The following E2F8 variants were observed in gnomAD, a reference collection of about 807,000 sequenced individuals.
E2F8 encodes the protein E2F transcription factor 8, also known as transcription factor E2F8.
E2F8 carries 35 observed loss-of-function variants against 80.8 expected under a neutral mutation model. That is an observed-to-expected ratio of 0.43 (90% CI 0.33 to 0.57). E2F8 has a LOEUF of 0.57. Among genes scored for constraint, E2F8 ranks in the 20% least tolerant of loss-of-function variants. The pLI is 0.04. For missense variants in E2F8, 975 were observed against 1,056.2 expected, an observed-to-expected ratio of 0.92 and a Z score of 1.07; for synonymous variants, 386 against 395.0, an observed-to-expected ratio of 0.98 and a Z score of 0.27.
At chr11:19,237,245 T>G (rs1590130846) in intron 4 of E2F8, 69 bp downstream of exon 4, 1 of 1,449,550 alleles carries the variant, frequency 6.9e-7, no homozygotes, top group Non-Finnish European at 9.6e-7. Flanking sequence ...TGAGCGGGGG[T>G]CTGAAGGAGT....
At position 19,225,462 on chromosome 11, in the gene E2F8, T is replaced by A. The variant is rs1851209377; in HGVS notation, c.2180A>T (p.Gln727Leu). Residue 727 changes from glutamine to leucine, a missense_variant, in exon 12 of 13, where the codon CAG becomes CTG. Transcript: ENST00000250024. The part of the protein sequence containing the change: ...ALASSHPVPI[Q>L]NPSSAIVNFT... Reference sequence around the variant, plus strand: ...GTTTACAATGGCTGAGCTTGGGTTCTGGATGGGAACAGGGTGGCTTGAAGC... The same window carrying A: ...GTTTACAATGGCTGAGCTTGGGTTCAGGATGGGAACAGGGTGGCTTGAAGC... 1 of 1,614,104 alleles carries A rather than the reference T, an allele frequency of 6.2e-7. No individual in the cohort carries two copies. Among genetic ancestry groups the A allele is most frequent in the African/African-American group, 1.3e-5 (1 of 74,934 alleles).
upstream of E2F8, among the ~76,000 whole-genome samples, chr11:19,241,107 G>A (rs796414741): frequency 3.9e-5 from 6 of 152,384 alleles, 1 homozygote; most frequent in East Asian, 7.7e-4. This position sits in a 1 kb window ranked among gnomAD's most constrained non-coding sequence, Gnocchi z 4.5. Flanking sequence ...GGCGCCAGGG[G>A]CGGGGCCGGA....
chr11:19,235,224 C>T (rs1054782729), intron 4 of E2F8, among the ~76,000 whole-genome samples, 166 bp from the exon 5 acceptor site: 6 of 152,198 alleles, frequency 3.9e-5, no homozygotes, highest in African/African-American at 1.4e-4. Flanking sequence ...AAGACATGTG[C>T]TTGCTTTCCA....
In E2F8 at chr11:19,229,421, C is replaced by T. The variant is rs777446874; in HGVS notation, c.1893+33G>A. 7.7e-6 allele frequency: 12 copies of T among 1,567,424 alleles called. No homozygotes were observed. The highest frequency in any genetic ancestry group is 9.5e-6 in the Non-Finnish European group (11 of 1,159,980). The stretch of plus-strand genomic sequence containing the variant: ...CTTCCTGTAATAGACTAGGGAATTC[C>T]TAAAGCTTTGTGCAGTTCAAGGCTG... On this transcript the variant is annotated intron_variant, in intron 10 of 12. Coordinates refer to ENST00000250024, the MANE Select transcript of E2F8 (RefSeq NM_024680.4). The surrounding 1 kb of genome is among the most constrained non-coding windows in gnomAD (Gnocchi z 4.3).
chr11:19,228,286 TA>T (rs1489583753), intron 10 of E2F8, among the ~76,000 whole-genome samples: 3 of 152,196 alleles, frequency 2.0e-5, no homozygotes, highest in Admixed American at 1.3e-4. Flanking sequence ...GCATATACAT[TA>T]AATACAAAAG....
At chr11:19,237,252 G>A in intron 4 of E2F8, 62 bp downstream of exon 4, 1 of 1,514,204 alleles carries the variant, frequency 6.6e-7, no homozygotes, top group Non-Finnish European at 9.1e-7. Context: ...GGGTCTGAAG[G>A]AGTTAAGTCC....
chr11:19,225,046 T>G, intron 12 of E2F8, 175 bp downstream of exon 12: 1 of 1,109,918 alleles, frequency 9.0e-7, no homozygotes, highest in Non-Finnish European at 1.3e-6. Flanking sequence ...AACCCAACAA[T>G]ATGGATGCCT....
At position 19,240,185 on chromosome 11, in the gene E2F8, C is replaced by A; in HGVS notation, c.-64G>T. The stretch of plus-strand genomic sequence containing the variant: ...AAATCTGGAGTTCCTCCCCAAATCC[C>A]GATGGTTCAAGTAGTCCAATCAATT... On this transcript the variant is annotated 5_prime_UTR_variant, in exon 2 of 13. Coordinates refer to ENST00000250024, the MANE Select transcript of E2F8 (RefSeq NM_024680.4). The A allele has an allele frequency of 1.7e-6, 2 of 1,204,160 alleles. No individual in the cohort carries two copies. Among genetic ancestry groups the A allele is most frequent in the South Asian group, 3.5e-5 (2 of 57,588 alleles). 74.6% of individuals were successfully genotyped at this position (1,204,160 alleles called of 1,614,324 possible).
At chr11:19,237,772 G>A (rs1851558247) in intron 3 of E2F8, 82 bp downstream of exon 3, 2 of 1,513,012 alleles carry the variant, frequency 1.3e-6, no homozygotes, top group Non-Finnish European at 1.8e-6. Context: ...GCTTTAAATT[G>A]CTGGCACTTC....
Position 19,225,216 on chromosome 11 carries a change from C to T in E2F8, c.2421+5G>A, listed in dbSNP as rs1484464297. ...AAAAATTAAATTAAGTAGAAAGCCTCTCACCTGTTGTGCCCCTGTCACAGC... is the reference window on the plus strand; with the variant it reads ...AAAAATTAAATTAAGTAGAAAGCCTTTCACCTGTTGTGCCCCTGTCACAGC... On this transcript the variant is annotated splice_donor_5th_base_variant and intron_variant, in intron 12 of 12. Coordinates refer to ENST00000250024, the MANE Select transcript of E2F8 (RefSeq NM_024680.4). The T allele has an allele frequency of 2.5e-6, 4 of 1,610,950 alleles. No homozygotes were observed. The South Asian group carries it at 3.3e-5, about 13-fold the overall frequency.
At chr11:19,237,737 T>C in intron 3 of E2F8, 117 bp downstream of exon 3, 1 of 1,367,310 alleles carries the variant, frequency 7.3e-7, no homozygotes, top group Non-Finnish European at 1.0e-6. Flanking sequence ...CCGAAGGAAG[T>C]TAATAACAGC....
At chr11:19,228,733 A>T (rs773235724) in intron 10 of E2F8, among the ~76,000 whole-genome samples, 1 of 152,252 alleles carries the variant, frequency 6.6e-6, no homozygotes, top group Non-Finnish European at 1.5e-5. Context: ...CGGATGATAC[A>T]GTAATGTCTC....
rs1237919313 is a variant in E2F8, at chr11:19,229,932, A to G, written c.1415T>C (p.Val472Ala). 8 of 1,613,892 alleles carry G rather than the reference A, an allele frequency of 5.0e-6. No individual in the cohort carries two copies. Among genetic ancestry groups the G allele is most frequent in the Non-Finnish European group, 5.9e-6 (7 of 1,180,004 alleles). ...QLARSGPCKP[V>A]APLDPPVNAE... Reference sequence around the variant, plus strand: ...ATTCACTGGGGGGTCCAGAGGGGCTACTGGTTTGCAGGGTCCAGATCTTGC... The same window carrying G: ...ATTCACTGGGGGGTCCAGAGGGGCTGCTGGTTTGCAGGGTCCAGATCTTGC... The change falls in exon 10 of 13, where the codon GTA (valine) becomes GCA (alanine). Residue 472 changes from valine (V) to alanine (A), a missense_variant. Transcript: ENST00000250024. The surrounding 1 kb of genome is among the most constrained non-coding windows in gnomAD (Gnocchi z 4.3).
chr11:19,239,139 T>C (rs187804091), intron 2 of E2F8, among the ~76,000 whole-genome samples: 17 of 152,354 alleles, frequency 1.1e-4, no homozygotes, highest in East Asian at 5.8e-4. Flanking sequence ...AAATGGGACA[T>C]GTTGTGACAT....
In E2F8 at chr11:19,232,185, A is replaced by C. The variant is rs566587431; in HGVS notation, c.1066+49T>G. ...CACACTGGAAATTAAAAATTAGAAA[A>C]ACACACACACAAATAATAAAGCAGA... On this transcript the variant is annotated intron_variant, in intron 7 of 12. Coordinates refer to ENST00000250024, the MANE Select transcript of E2F8 (RefSeq NM_024680.4). 281 of 1,597,808 alleles carry C rather than the reference A, an allele frequency of 1.8e-4. 7 individuals are homozygous for C. The South Asian group carries it at 2.7e-3, about 16-fold the overall frequency.
rs1851314595 is a variant in E2F8 at position 19,229,478 on chromosome 11, T to G, written c.1869A>C (p.Leu623=). ...CTGCGGAGACATTTTCAAGTCCTTT[T>G]AGGTCCTCTTTAAATTTCTTTTTGG... ...SGSKKKFKED[L]KGLENVSATL... Residue 623 remains leucine (L), a synonymous_variant, in exon 10 of 13, where the codon CTA becomes CTC. Transcript: ENST00000250024. This position sits in a 1 kb window ranked among gnomAD's most constrained non-coding sequence, Gnocchi z 4.3. 1.2e-6 allele frequency: 2 copies of G among 1,613,964 alleles called. No individual in the cohort carries two copies. The highest frequency in any genetic ancestry group is 2.2e-5 in the South Asian group (2 of 91,066).
chr11:19,238,082 C>A lies in E2F8; in HGVS notation c.66G>T (p.Leu22=). 1 of 1,614,144 alleles carries A rather than the reference C, an allele frequency of 6.2e-7. No homozygotes were observed. The highest frequency in any genetic ancestry group is 8.5e-7 in the Non-Finnish European group (1 of 1,180,024). The change falls in exon 3 of 13, where the codon CTG becomes CTT. Residue 22 remains leucine (L), a synonymous_variant. Transcript: ENST00000250024. The part of the protein sequence containing the change: ...PHKRGLMKTP[L]KESTTANIVL... The stretch of plus-strand genomic sequence containing the variant: ...CGATATTTGCTGTGGTGGATTCTTT[C>A]AGAGGTGTTTTCATTAGTCCCCTTT...
intron 7 of E2F8, 36 bp downstream of exon 7, chr11:19,232,198 A>G (rs1851400469): frequency 6.2e-7 from 1 of 1,604,532 alleles, no homozygotes; most frequent in South Asian, 1.1e-5. Context: ...ACACACACAA[A>G]TAATAAAGCA....
rs754867099 is a variant in E2F8 at position 19,225,319 on chromosome 11, C to T, written c.2323G>A (p.Ala775Thr). Residue 775 changes from alanine to threonine, a missense_variant, in exon 12 of 13, where the codon GCA becomes ACA. Ala to Thr is a moderately conservative substitution (Grantham distance 58). Coordinates refer to ENST00000250024, the MANE Select transcript of E2F8 (RefSeq NM_024680.4). ...GTGGCCCTTCCTTGCTGAGTGCCTG[C>T]ATTTTCTGGTGCGACATTAACAGAC... ...IESVNVAPEN[A>T]GTQQGRATNY... 1.9e-5 allele frequency: 30 copies of T among 1,614,090 alleles called. No individual in the cohort carries two copies. The highest frequency in any genetic ancestry group is 2.4e-5 in the Non-Finnish European group (28 of 1,180,060).
Sources: gnomAD v4.1 joint callset for allele counts (sites outside exome capture counted in the v4.1 genomes callset) on GRCh38, gnomAD v4.1.1 for gene constraint, Gnocchi (gnomAD v3.1) non-coding constraint, MANE v1.5 for transcripts, NCBI Gene and HGNC (gene_info 2026-07-23, HGNC 2026-07-21) for gene names.